Variants in FNIP1 observed in about 807,000 individuals in gnomAD.
FNIP1 encodes the protein folliculin interacting protein 1.
A neutral mutation model predicts 124.5 loss-of-function variants in FNIP1; 40 were observed. The observed-to-expected ratio is 0.32, with a 90% confidence interval of 0.25 to 0.42. The LOEUF (loss-of-function observed/expected upper bound fraction) is 0.42. FNIP1 is among the 10% of genes least tolerant of loss of function. The pLI is 1.00. For synonymous variants in FNIP1, 472 were observed against 470.6 expected (o/e 1.00, Z -0.04); for missense variants, 1,176 against 1,403.7 (o/e 0.84, Z 2.59).
chr5:131,772,206 T>C (rs987213403), intron 1 of FNIP1, among the ~76,000 whole-genome samples: 5 of 152,034 alleles, frequency 3.3e-5, no homozygotes, highest in Non-Finnish European at 7.4e-5. Context: ...GGCCAAACTG[T>C]AGGGATAAAA....
At chr5:131,645,049 G>A (rs947590919) in intron 17 of FNIP1, among the ~76,000 whole-genome samples, 3 of 152,152 alleles carry the variant, frequency 2.0e-5, no homozygotes, top group Non-Finnish European at 4.4e-5. Flanking sequence ...GCTGGGTGAG[G>A]TGACTCGTGC....
intron 3 of FNIP1, among the ~76,000 whole-genome samples, chr5:131,725,831 G>C (rs557460210): frequency 6.6e-6 from 1 of 152,242 alleles, no homozygotes; most frequent in East Asian, 1.9e-4. Context: ...CTGGCTATGG[G>C]TTTGTCATAA....
At chr5:131,655,672 C>T (rs1405884794) in intron 15 of FNIP1, among the ~76,000 whole-genome samples, 1 of 151,312 alleles carries the variant, frequency 6.6e-6, no homozygotes, top group Non-Finnish European at 1.5e-5. Context: ...CTCCAATAAA[C>T]AGCATATCTC....
intron 17 of FNIP1, 72 bp from the exon 18 acceptor site, chr5:131,644,835 C>T: frequency 2.8e-6 from 4 of 1,450,638 alleles, no homozygotes. Flanking sequence ...AGGCAATGAC[C>T]ACCAACTGTA....
At chr5:131,733,292 C>T (rs184629094) in intron 2 of FNIP1, among the ~76,000 whole-genome samples, 1 of 152,140 alleles carries the variant, frequency 6.6e-6, no homozygotes, top group Non-Finnish European at 1.5e-5. Context: ...AATTTAACTT[C>T]CTCTTTTCCT....
chr5:131,699,385 C>T (rs1341913723), intron 10 of FNIP1, among the ~76,000 whole-genome samples: 1 of 149,056 alleles, frequency 6.7e-6, no homozygotes, highest in Non-Finnish European at 1.5e-5. Flanking sequence ...GATAACACTT[C>T]TGTTAACTCC....
intron 15 of FNIP1, among the ~76,000 whole-genome samples, chr5:131,662,609 G>A (rs1341961488): frequency 6.6e-6 from 1 of 152,000 alleles, no homozygotes; most frequent in Non-Finnish European, 1.5e-5. Flanking sequence ...TTGGGAGCAA[G>A]TCCTTTTTGG....
chr5:131,774,389 T>C (rs1307788250), intron 1 of FNIP1, among the ~76,000 whole-genome samples: 1 of 152,182 alleles, frequency 6.6e-6, no homozygotes, highest in Non-Finnish European at 1.5e-5. Context: ...GTAAAGGCAG[T>C]ATATCCGATA....
intron 2 of FNIP1, among the ~76,000 whole-genome samples, chr5:131,742,046 T>G (rs1280824521): frequency 6.6e-6 from 1 of 152,170 alleles, no homozygotes; most frequent in Non-Finnish European, 1.5e-5. Flanking sequence ...TTAATTTCTT[T>G]TTTGATAAAG....
At chr5:131,657,712 T>C (rs1422733407) in intron 15 of FNIP1, among the ~76,000 whole-genome samples, 2 of 105,544 alleles carry the variant, frequency 1.9e-5, no homozygotes, top group East Asian at 5.1e-4. Flanking sequence ...ATCAAGGAAA[T>C]GATGAAAGAG....
chr5:131,693,090 A>ATAACTG (rs1768536650), intron 11 of FNIP1, among the ~76,000 whole-genome samples: 4 of 151,056 alleles, frequency 2.6e-5, no homozygotes, highest in African/African-American at 4.9e-5. Context: ...TAATAATATT[A>ATAACTG]TATACTGGAA....
chr5:131,768,566 T>G (rs10052532), intron 1 of FNIP1, among the ~76,000 whole-genome samples: 8,029 of 150,084 alleles, frequency 0.053, 365 homozygotes, highest in African/African-American at 0.13. Flanking sequence ...TCCCAGCACT[T>G]TGGGAGGCTG....
At chr5:131,647,693 C>T (rs1193272990) in intron 16 of FNIP1, among the ~76,000 whole-genome samples, 1 of 152,006 alleles carries the variant, frequency 6.6e-6, no homozygotes, top group Non-Finnish European at 1.5e-5. Flanking sequence ...CCAGGCTGGT[C>T]TCAAACTCCT....
intron 11 of FNIP1, among the ~76,000 whole-genome samples, chr5:131,687,272 A>C (rs1410710247): frequency 6.6e-6 from 1 of 151,836 alleles, no homozygotes; most frequent in African/African-American, 2.4e-5. Context: ...ATCCTGGCTA[A>C]TTTTTGTATT....
At chr5:131,745,467 C>T (rs954209471) in intron 1 of FNIP1, among the ~76,000 whole-genome samples, 1 of 152,100 alleles carries the variant, frequency 6.6e-6, no homozygotes, top group African/African-American at 2.4e-5. Flanking sequence ...CTATAGCAAG[C>T]TGTGATCATG....
intron 2 of FNIP1, among the ~76,000 whole-genome samples, chr5:131,737,082 C>T (rs1770336222): frequency 6.6e-6 from 1 of 152,114 alleles, no homozygotes; most frequent in Non-Finnish European, 1.5e-5. Flanking sequence ...GTGGGCTAGA[C>T]ATAAAGTACA....
At chr5:131,786,781 C>A (rs765264578) in intron 1 of FNIP1, among the ~76,000 whole-genome samples, 6 of 152,166 alleles carry the variant, frequency 3.9e-5, no homozygotes, top group Non-Finnish European at 8.8e-5. Flanking sequence ...CACGTGATGC[C>A]TTTTTCCACG....
chr5:131,694,021 A>G (rs1165366574), intron 11 of FNIP1, among the ~76,000 whole-genome samples: 1 of 152,190 alleles, frequency 6.6e-6, no homozygotes, highest in Non-Finnish European at 1.5e-5. Context: ...CAATAATGAT[A>G]CATCACTACC....
At chr5:131,744,880 A>G (rs1770625498) in intron 1 of FNIP1, among the ~76,000 whole-genome samples, 190 bp from the exon 2 acceptor site, 1 of 151,636 alleles carries the variant, frequency 6.6e-6, no homozygotes, top group African/African-American at 2.4e-5. Context: ...AAGGCAAAAC[A>G]AAATTATCTT....
Sources: gnomAD v4.1 joint callset for allele counts (sites outside exome capture counted in the v4.1 genomes callset) on GRCh38, gnomAD v4.1.1 for gene constraint, MANE v1.5 for transcripts, NCBI Gene and HGNC (gene_info 2026-07-23, HGNC 2026-07-21) for gene names.